NUCB1: variants seen among roughly 807,000 people sequenced by gnomAD.
The protein encoded by NUCB1 is nucleobindin 1, also known as nucleobindin-1.
Under a neutral mutation model 61.2 loss-of-function variants are expected in NUCB1, and 47 were observed. The observed-to-expected ratio is 0.77, with a 90% CI of 0.61 to 0.98. The LOEUF (loss-of-function observed/expected upper bound fraction) is 0.98, where lower values mean the gene tolerates loss of function less well. Among genes scored for constraint, NUCB1 ranks in the 50% least tolerant of loss-of-function variants. The pLI is 0.00. For missense variants in NUCB1, 583 were observed against 605.3 expected, an observed-to-expected ratio of 0.96 and a Z score of 0.39; for synonymous variants, 234 against 243.1, an observed-to-expected ratio of 0.96 and a Z score of 0.35.
intron 2 of NUCB1, chr19:48,901,226 T>G (rs2037350873): frequency 3.7e-6 from 2 of 537,084 alleles, no homozygotes; most frequent in Non-Finnish European, 6.8e-6. Flanking sequence ...CATTTCCCAG[T>G]AGCACCATGT....
intron 5 of NUCB1, 133 bp from the exon 6 acceptor site, chr19:48,912,878 G>A (rs982356538): frequency 5.4e-5 from 25 of 464,494 alleles, no homozygotes; most frequent in Non-Finnish European, 8.6e-5. Context: ...ATTAGGACAC[G>A]AGACGTAAGA....
intron 7 of NUCB1, among the ~76,000 whole-genome samples, chr19:48,917,438 C>T (rs1053467112): frequency 1.4e-4 from 22 of 151,872 alleles, no homozygotes; most frequent in Non-Finnish European, 2.1e-4. Flanking sequence ...ATTCTTCCAC[C>T]TCAACCCTTA....
rs2037466923 is a variant in NUCB1, at chr19:48,911,150, T to G, written c.378T>G (p.Asn126Lys). 2 of 1,610,224 alleles carry G rather than the reference T, an allele frequency of 1.2e-6. No individual in the cohort carries two copies. Among genetic ancestry groups the G allele is most frequent in the African/African-American group, 1.3e-5 (1 of 74,832 alleles). Residue 126 changes from asparagine to lysine, a missense_variant and splice_region_variant, in exon 5 of 13, where the codon AAT becomes AAG. Coordinates refer to ENST00000405315, the MANE Select transcript of NUCB1 (RefSeq NM_006184.6). ...KAKMDAEQDP[N>K]VQVDHLNLLK... is the part of the protein sequence containing the mutation. ...GTTGGACTCTTCCCTCTCTTCCAGA[T>G]GTACAGGTGGATCATCTGAATCTCC...
intron 12 of NUCB1, among the ~76,000 whole-genome samples, 153 bp downstream of exon 12, chr19:48,922,085 C>T (rs185802950): frequency 0.011 from 1,712 of 150,592 alleles, 34 homozygotes; most frequent in African/African-American, 0.038. Context: ...GGTCCGGACT[C>T]CTGGGTCTGA....
intron 4 of NUCB1, among the ~76,000 whole-genome samples, chr19:48,909,015 A>G (rs2037444139): frequency 6.6e-6 from 1 of 152,020 alleles, no homozygotes; most frequent in Non-Finnish European, 1.5e-5. Flanking sequence ...ACCACTGACC[A>G]GGTGCTTCAG....
At chr19:48,918,381 C>T (rs750264590) in intron 7 of NUCB1, 2 of 236,934 alleles carry the variant, frequency 8.4e-6, no homozygotes, top group Non-Finnish European at 1.7e-5. Flanking sequence ...CGGCACTGGC[C>T]TGGTTGTCTG....
intron 4 of NUCB1, among the ~76,000 whole-genome samples, chr19:48,906,261 G>A (rs776626778): frequency 7.9e-5 from 12 of 151,888 alleles, no homozygotes; most frequent in African/African-American, 1.9e-4. Flanking sequence ...TAAATTAGCC[G>A]GGCATGGTGG....
intron 5 of NUCB1, 151 bp downstream of exon 5, chr19:48,911,403 T>C (rs1299896874): frequency 1.1e-5 from 5 of 447,420 alleles, no homozygotes; most frequent in Non-Finnish European, 1.6e-5. Flanking sequence ...TTCTTTTCTT[T>C]TCTTTTTTTT....
rs1438533303 is a variant in NUCB1, at chr19:48,900,637, G to A, written c.-11-149G>A. 4 of 1,068,924 alleles carry A rather than the reference G, an allele frequency of 3.7e-6. No individual in the cohort carries two copies. The East Asian group carries it at 7.2e-5, about 19-fold the overall frequency. The allele number at this position is 1,068,924 out of a possible 1,614,324, so 66.2% of individuals were successfully genotyped here. ...TGTGTCGGAGGAAGGGAAGGCCGGA[G>A]GCCTGGAATCCTGGGGCCTGGGTAA... is the stretch of plus-strand genomic sequence containing the variant. On this transcript the variant is annotated intron_variant, in intron 1 of 12. Transcript: ENST00000405315.
At chr19:48,921,447 G>A in intron 11 of NUCB1, 123 bp downstream of exon 11, 1 of 1,112,830 alleles carries the variant, frequency 9.0e-7, no homozygotes, top group East Asian at 2.6e-5. Context: ...GGAGCCTCAA[G>A]TATTCACCGC....
At position 48,901,172 on chromosome 19, in the gene NUCB1, T is replaced by G. The variant is rs187149767; in HGVS notation, c.135+241T>G. Reference sequence around the variant, plus strand: ...AACTAAACGTCTGTTTTTTTAAGATTCTCTCCACCCAAGAAGGAATTTGAA... The same window carrying G: ...AACTAAACGTCTGTTTTTTTAAGATGCTCTCCACCCAAGAAGGAATTTGAA... On this transcript the variant is annotated intron_variant, in intron 2 of 12. Coordinates refer to ENST00000405315, the MANE Select transcript of NUCB1 (RefSeq NM_006184.6). 3.3e-3 allele frequency: 2,011 copies of G among 607,698 alleles called. 9 individuals are homozygous for G. The highest frequency in any genetic ancestry group is 5.3e-3 in the Non-Finnish European group (1,756 of 332,420). 37.6% of individuals were successfully genotyped at this position (607,698 alleles called of 1,614,324 possible). A position where few individuals can be genotyped will look rare whatever the true frequency, so the allele number is the denominator to read the frequency against.
intron 2 of NUCB1, 22 bp from the exon 3 acceptor site, chr19:48,904,325 A>G: frequency 1.3e-6 from 2 of 1,516,606 alleles, no homozygotes; most frequent in South Asian, 2.2e-5. Flanking sequence ...AGGGGCTGCT[A>G]TGTCTGTCCT....
At position 48,910,242 on chromosome 19, in the gene NUCB1, A is replaced by G. The variant is rs145037790; in HGVS notation, c.377-907A>G. ...CAGGTGCGCACCACCATGCCCAGCT[A>G]ATTTTTTATGTTTTTATTAGAGATG... On this transcript the variant is annotated intron_variant, in intron 4 of 12. Coordinates refer to ENST00000405315, the MANE Select transcript of NUCB1 (RefSeq NM_006184.6). Among the ~76,000 whole-genome samples, 789 of 151,654 alleles carry G rather than the reference A, an allele frequency of 5.2e-3. 10 individuals are homozygous for G. Among genetic ancestry groups the G allele is most frequent in the African/African-American group, 0.018 (732 of 41,428 alleles).
intron 4 of NUCB1, among the ~76,000 whole-genome samples, chr19:48,910,656 G>C (rs1261782820): frequency 2.7e-5 from 4 of 149,734 alleles, no homozygotes; most frequent in Non-Finnish European, 5.9e-5. Flanking sequence ...TGCCACTGCA[G>C]AGTGAAACCC....
chr19:48,910,345 G>A (rs1408086479), intron 4 of NUCB1, among the ~76,000 whole-genome samples: 1 of 150,336 alleles, frequency 6.7e-6, no homozygotes, highest in Non-Finnish European at 1.5e-5. Flanking sequence ...CAAAGTGCTG[G>A]GATTACAGGC....
chr19:48,915,141 A>C (rs943268259), intron 7 of NUCB1, among the ~76,000 whole-genome samples: 8 of 152,104 alleles, frequency 5.3e-5, no homozygotes, highest in Non-Finnish European at 1.2e-4. Context: ...TCCCTATTTC[A>C]GGGGTGATAA....
At chr19:48,914,141 A>G (rs1024700071) in intron 7 of NUCB1, among the ~76,000 whole-genome samples, 10 of 151,636 alleles carry the variant, frequency 6.6e-5, no homozygotes, top group Non-Finnish European at 1.0e-4. Flanking sequence ...ATGCCCGGCT[A>G]ACTTTTGTAT....
At chr19:48,903,057 C>T (rs1239171014) in intron 2 of NUCB1, among the ~76,000 whole-genome samples, 1 of 152,072 alleles carries the variant, frequency 6.6e-6, no homozygotes, top group Non-Finnish European at 1.5e-5. Flanking sequence ...ATCCTCCTAC[C>T]TCAGCCTCCC....
chr19:48,911,563 G>A (rs547908674), intron 5 of NUCB1, among the ~76,000 whole-genome samples: 4 of 151,782 alleles, frequency 2.6e-5, no homozygotes, highest in African/African-American at 7.2e-5. Flanking sequence ...CTGCCGTCAC[G>A]CCCAGAAAAT....
Sources: gnomAD v4.1 joint callset for allele counts (sites outside exome capture counted in the v4.1 genomes callset) on GRCh38, gnomAD v4.1.1 for gene constraint, MANE v1.5 for transcripts, NCBI Gene and HGNC (gene_info 2026-07-23, HGNC 2026-07-21) for gene names.